The following FGFR2 variants were observed in gnomAD, a reference collection of about 807,000 sequenced individuals.
FGFR2 encodes the protein fibroblast growth factor receptor 2, also known as BEK fibroblast growth factor receptor.
A neutral mutation model predicts 95.9 loss-of-function variants in FGFR2; 19 were observed. The ratio of observed to expected loss-of-function variants is 0.20; its 90% confidence interval spans 0.14 to 0.29. The LOEUF (loss-of-function observed/expected upper bound fraction) is 0.29, where lower values mean the gene tolerates loss of function less well. Among genes scored for constraint, FGFR2 ranks in the 10% least tolerant of loss-of-function variants. The probability of loss-of-function intolerance (pLI) is 1.00; values close to 1 mark genes in which losing one functional copy is unlikely to be tolerated. For missense variants in FGFR2, 707 were observed against 1,056.9 expected (o/e 0.67, Z 4.59); for synonymous variants, 392 against 393.3 (o/e 1.00, Z 0.04).
chr10:121,519,946 T>C (rs774579192), intron 7 of FGFR2, 33 bp downstream of exon 7: 8 of 1,608,336 alleles, frequency 5.0e-6, no homozygotes, highest in Non-Finnish European at 6.8e-6. Flanking sequence ...GAGACCCCAG[T>C]TGTGGGTACC....
At chr10:121,533,927 C>G (rs2134519064) in intron 6 of FGFR2, among the ~76,000 whole-genome samples, 1 of 152,146 alleles carries the variant, frequency 6.6e-6, no homozygotes, top group Non-Finnish European at 1.5e-5. Context: ...GTAAAGAAGC[C>G]AACTCCATGA....
intron 2 of FGFR2, among the ~76,000 whole-genome samples, chr10:121,569,314 A>G (rs1188541352): frequency 2.0e-5 from 3 of 149,268 alleles, no homozygotes; most frequent in Non-Finnish European, 4.4e-5. Flanking sequence ...TCCGCCTCCC[A>G]GGTTCAAGTG....
In FGFR2 at chr10:121,520,132, C is replaced by A. The variant is rs753082618; in HGVS notation, c.786G>T (p.Leu262=). The change falls in exon 7 of 18, where the codon CTG becomes CTT. Residue 262 remains leucine, a synonymous_variant. Coordinates refer to ENST00000358487, the MANE Select transcript of FGFR2 (RefSeq NM_000141.5). ...CGACCACTGTGGAGGCATTTGCCGG[C>A]AGTCCGGCTTGGAGGATGGGCCGGT... ...SPHRPILQAG[L]PANASTVVGG... 3 of 1,613,976 alleles carry A rather than the reference C, an allele frequency of 1.9e-6. No individual in the cohort carries two copies. In the South Asian group the frequency reaches 3.3e-5, roughly 18 times the overall value.
chr10:121,524,609 C>T (rs1265132384), intron 6 of FGFR2, among the ~76,000 whole-genome samples: 2 of 152,186 alleles, frequency 1.3e-5, no homozygotes, highest in Admixed American at 6.5e-5. Context: ...CACCACCCCT[C>T]GGAATCCCTA....
rs1849802655 is a variant in FGFR2, at chr10:121,517,249, A to C, written c.1084+70T>G. ...AAAAGGGGCCATTTCTGATAACAGA[A>C]GCTGTGTTAATTTTATAGCAGTCAA... On this transcript the variant is annotated intron_variant, in intron 8 of 17. Transcript: ENST00000358487. The surrounding 1 kb of genome is among the most constrained non-coding windows in gnomAD (Gnocchi z 4.7). The C allele has an allele frequency of 2.7e-6, 4 of 1,501,286 alleles. No homozygotes were observed. Among genetic ancestry groups the C allele is most frequent in the Non-Finnish European group, 3.7e-6 (4 of 1,077,606 alleles). 93.0% of individuals were successfully genotyped at this position (1,501,286 alleles called of 1,614,324 possible).
At chr10:121,495,584 T>G (rs895869515) in intron 13 of FGFR2, among the ~76,000 whole-genome samples, 1 of 152,100 alleles carries the variant, frequency 6.6e-6, no homozygotes, top group African/African-American at 2.4e-5. Context: ...AGAGCTGAGG[T>G]GCAGCCATCC....
At chr10:121,506,991 T>C (rs568317843) in intron 9 of FGFR2, among the ~76,000 whole-genome samples, 1 of 152,350 alleles carries the variant, frequency 6.6e-6, no homozygotes, top group East Asian at 1.9e-4. Context: ...TGCTGACTTC[T>C]AAAATGAGTG....
chr10:121,547,436 C>T (rs1354968409), intron 5 of FGFR2, among the ~76,000 whole-genome samples: 2 of 148,348 alleles, frequency 1.3e-5, no homozygotes, highest in Non-Finnish European at 3.0e-5. Context: ...CCTCTATCAT[C>T]CAGGCTGGAC....
intron 1 of FGFR2, among the ~76,000 whole-genome samples, chr10:121,595,650 T>C (rs1863326170): frequency 6.6e-6 from 1 of 152,236 alleles, no homozygotes; most frequent in Non-Finnish European, 1.5e-5. Flanking sequence ...ACATTCTCAT[T>C]GATTTACTAA....
rs2135483774 is a variant in FGFR2 at position 121,593,752 on chromosome 10, C to G, written c.66G>C (p.Arg22=). ...VVTMATLSLA[R]PSFSLVEDTT... The stretch of plus-strand genomic sequence containing the variant: ...TATCCTCAACTAAACTGAAGGAGGG[C>G]CGGGCCAGGGACAAGGTTGCCATGG... The change falls in exon 2 of 18, where the codon CGG becomes CGC. Residue 22 remains arginine, a synonymous_variant. Transcript: ENST00000358487. The G allele has an allele frequency of 6.2e-7, 1 of 1,614,166 alleles. No homozygotes were observed. Among genetic ancestry groups the G allele is most frequent in the South Asian group, 1.1e-5 (1 of 91,082 alleles).
intron 5 of FGFR2, among the ~76,000 whole-genome samples, chr10:121,546,681 C>T (rs1347440066): frequency 6.6e-6 from 1 of 152,096 alleles, no homozygotes; most frequent in African/African-American, 2.4e-5. Flanking sequence ...ATAGGCCGCA[C>T]ATGCATGCCA....
rs187993430 is a variant in FGFR2, at chr10:121,499,572, C to G, written c.1562-967G>C. Among the ~76,000 whole-genome samples, 783 of 152,350 alleles carry G rather than the reference C, an allele frequency of 5.1e-3. 6 individuals carry two copies. The highest frequency in any genetic ancestry group is 6.2e-3 in the Non-Finnish European group (421 of 68,034). ...TCCTTCTGTGTCCTTACAGGGAAGGCTGCCAGCCTGGGCATCACAAGAGAA... is the reference window on the plus strand; with the variant it reads ...TCCTTCTGTGTCCTTACAGGGAAGGGTGCCAGCCTGGGCATCACAAGAGAA... On this transcript the variant is annotated intron_variant, in intron 11 of 17. Transcript: ENST00000358487.
intron 9 of FGFR2, among the ~76,000 whole-genome samples, chr10:121,514,860 CCTG>C (rs1202207940): frequency 6.6e-6 from 1 of 152,138 alleles, no homozygotes; most frequent in Non-Finnish European, 1.5e-5. Context: ...TATTTCCAGT[CCTG>C]CTGATTAGTT....
intron 2 of FGFR2, among the ~76,000 whole-genome samples, chr10:121,577,158 A>AATATATATATAT (rs1859958046): frequency 7.2e-5 from 1 of 13,962 alleles, no homozygotes; most frequent in Non-Finnish European, 1.2e-4. Flanking sequence ...AAAAAAAAAA[A>AATATATATATAT]ATATATATAT....
intron 5 of FGFR2, among the ~76,000 whole-genome samples, chr10:121,540,284 C>A (rs1307965004): frequency 1.3e-5 from 2 of 152,176 alleles, no homozygotes; most frequent in Admixed American, 1.3e-4. Context: ...AAAAATGAAT[C>A]TACGGGCATC....
At chr10:121,586,204 T>C (rs1268301212) in intron 2 of FGFR2, among the ~76,000 whole-genome samples, 1 of 152,222 alleles carries the variant, frequency 6.6e-6, no homozygotes, top group African/African-American at 2.4e-5. Context: ...ATAATCACGA[T>C]AATTGATATA....
intron 1 of FGFR2, among the ~76,000 whole-genome samples, chr10:121,596,289 A>G (rs1863420380): frequency 6.6e-6 from 1 of 152,162 alleles, no homozygotes; most frequent in South Asian, 2.1e-4. Flanking sequence ...AAAGACAGGC[A>G]GAGTGACAAG....
chr10:121,535,739 T>C (rs1282140544), intron 6 of FGFR2, among the ~76,000 whole-genome samples: 1 of 152,228 alleles, frequency 6.6e-6, no homozygotes, highest in Non-Finnish European at 1.5e-5. Context: ...TCAATTTTAA[T>C]GAGGATCAAG....
chr10:121,567,312 G>T (rs1857826579), intron 2 of FGFR2, among the ~76,000 whole-genome samples: 1 of 152,190 alleles, frequency 6.6e-6, no homozygotes, highest in African/African-American at 2.4e-5. Flanking sequence ...CCAAGCCCCA[G>T]ATGCCAACTA....
Sources: allele counts gnomAD v4.1 joint callset (sites outside exome capture counted in the v4.1 genomes callset), GRCh38; gene constraint gnomAD v4.1.1; non-coding constraint Gnocchi (gnomAD v3.1); transcripts MANE v1.5; gene names NCBI Gene and HGNC (gene_info 2026-07-23, HGNC 2026-07-21).